USH2A: variants seen among roughly 807,000 people sequenced by gnomAD.
The protein encoded by USH2A is usherin.
USH2A carries 443 observed loss-of-function variants against 538.9 expected under a neutral mutation model. The ratio of observed to expected loss-of-function variants is 0.82; its 90% CI spans 0.76 to 0.89. The LOEUF is 0.89. USH2A is among the 40% of genes least tolerant of loss of function. The pLI, the probability that USH2A is intolerant of heterozygous loss-of-function variation, is 0.00. For missense variants in USH2A, 6,633 were observed against 6,324.8 expected, an observed-to-expected ratio of 1.05 and a Z score of -1.65; for synonymous variants, 2,413 against 2,273.5, an observed-to-expected ratio of 1.06 and a Z score of -1.75.
chr1:216,068,269 G>A (rs777049263), intron 30 of USH2A, among the ~76,000 whole-genome samples: 2 of 152,186 alleles, frequency 1.3e-5, no homozygotes, highest in African/African-American at 2.4e-5. Flanking sequence ...GGAGGAGAGA[G>A]GGAGCAATAG....
At chr1:216,348,001 T>C (rs901700554) in intron 4 of USH2A, among the ~76,000 whole-genome samples, 3 of 152,144 alleles carry the variant, frequency 2.0e-5, no homozygotes, top group Non-Finnish European at 4.4e-5. Context: ...AGTAATCTTT[T>C]AAAACTTTTT....
chr1:216,202,865 T>C (rs1264144489), intron 16 of USH2A, among the ~76,000 whole-genome samples: 1 of 152,168 alleles, frequency 6.6e-6, no homozygotes, highest in Non-Finnish European at 1.5e-5. Context: ...ACAGGCATGG[T>C]TACATTTCCT....
chr1:215,879,249 A>C (rs907094378), intron 41 of USH2A, 151 bp from the exon 42 acceptor site: 1 of 707,460 alleles, frequency 1.4e-6, no homozygotes, highest in African/African-American at 1.8e-5. Flanking sequence ...ACAGTAATGA[A>C]GGGTTTGAGA....
At chr1:215,630,506 AT>A (rs1656239262) in intron 70 of USH2A, among the ~76,000 whole-genome samples, 1 of 135,096 alleles carries the variant, frequency 7.4e-6, no homozygotes, top group Non-Finnish European at 1.6e-5. Flanking sequence ...ATATATATAT[AT>A]ATATATATAT....
At chr1:216,338,998 C>G (rs2038025616) in intron 4 of USH2A, among the ~76,000 whole-genome samples, 1 of 151,498 alleles carries the variant, frequency 6.6e-6, no homozygotes, top group Non-Finnish European at 1.5e-5. Flanking sequence ...ACTTAAGAAG[C>G]CTATGATACC....
At chr1:216,030,407 A>C (rs933986543) in intron 32 of USH2A, among the ~76,000 whole-genome samples, 2 of 136,164 alleles carry the variant, frequency 1.5e-5, no homozygotes, top group African/African-American at 5.3e-5. Context: ...TATATATGAT[A>C]TATAGATATA....
intron 30 of USH2A, among the ~76,000 whole-genome samples, chr1:216,056,188 A>G (rs1339965167): frequency 6.6e-6 from 1 of 152,188 alleles, no homozygotes; most frequent in Non-Finnish European, 1.5e-5. Flanking sequence ...TAATTTGCCA[A>G]TAAGTTTGAA....
At chr1:215,724,648 T>C (rs1428138450) in intron 61 of USH2A, among the ~76,000 whole-genome samples, 1 of 152,138 alleles carries the variant, frequency 6.6e-6, no homozygotes, top group Non-Finnish European at 1.5e-5. Flanking sequence ...CTTCTAAACA[T>C]GGGCAGCAGA....
At chr1:215,659,435 A>G (rs1657374127) in intron 64 of USH2A, among the ~76,000 whole-genome samples, 1 of 152,176 alleles carries the variant, frequency 6.6e-6, no homozygotes, top group South Asian at 2.1e-4. Context: ...GGAACTAGAG[A>G]GGAGTTTGCA....
At chr1:215,817,803 C>G (rs907175290) in intron 47 of USH2A, among the ~76,000 whole-genome samples, 1 of 151,932 alleles carries the variant, frequency 6.6e-6, no homozygotes, top group Non-Finnish European at 1.5e-5. Context: ...CATTGGTTCA[C>G]CAATGCCAAC....
At chr1:215,927,413 T>C (rs2102493689) in intron 38 of USH2A, among the ~76,000 whole-genome samples, 1 of 152,230 alleles carries the variant, frequency 6.6e-6, no homozygotes, top group South Asian at 2.1e-4. Flanking sequence ...AAATTAACAC[T>C]CCAAGAAAAC....
chr1:216,159,543 C>CACACACACACAA (rs2034012491), intron 21 of USH2A, among the ~76,000 whole-genome samples: 1 of 146,834 alleles, frequency 6.8e-6, no homozygotes, highest in Non-Finnish European at 1.5e-5. Flanking sequence ...TATGTACACA[C>CACACACACACAA]ACACACACAC....
intron 20 of USH2A, among the ~76,000 whole-genome samples, chr1:216,177,272 G>A (rs539272923): frequency 6.6e-6 from 1 of 152,016 alleles, no homozygotes; most frequent in Admixed American, 6.6e-5. Context: ...GGTGTGTAGT[G>A]GTATCTTATT....
intron 58 of USH2A, among the ~76,000 whole-genome samples, chr1:215,749,862 A>G (rs1660574671): frequency 6.6e-6 from 1 of 152,198 alleles, no homozygotes; most frequent in Non-Finnish European, 1.5e-5. Context: ...TATTCCTTGC[A>G]ATGCTCCTTT....
chr1:216,078,742 T>G (rs2031838977), intron 26 of USH2A, among the ~76,000 whole-genome samples: 1 of 152,018 alleles, frequency 6.6e-6, no homozygotes, highest in Non-Finnish European at 1.5e-5. Context: ...TTTTAGAAAA[T>G]GAGAAAATAC....
At chr1:216,030,638 TA>T (rs1669101268) in intron 32 of USH2A, among the ~76,000 whole-genome samples, 1 of 134,416 alleles carries the variant, frequency 7.4e-6, no homozygotes, top group African/African-American at 2.7e-5. Flanking sequence ...ATATATAATA[TA>T]TACGATATAT....
At chr1:215,780,612 C>G (rs1047912041) in intron 54 of USH2A, among the ~76,000 whole-genome samples, 2 of 152,200 alleles carry the variant, frequency 1.3e-5, no homozygotes, top group Admixed American at 6.5e-5. Flanking sequence ...ATTACTTAGT[C>G]AATATTGTCA....
intron 38 of USH2A, among the ~76,000 whole-genome samples, chr1:215,922,445 T>C (rs543914032): frequency 1.3e-5 from 2 of 152,264 alleles, no homozygotes; most frequent in South Asian, 4.1e-4. Context: ...ATGTGACTTA[T>C]ATATTCAAAG....
chr1:216,305,450 A>T (rs2037298194), intron 9 of USH2A, among the ~76,000 whole-genome samples: 1 of 152,098 alleles, frequency 6.6e-6, no homozygotes, highest in Non-Finnish European at 1.5e-5. Flanking sequence ...TTGCTTGGTG[A>T]GTTCTTATCC....
Sources: gnomAD v4.1 joint callset for allele counts (sites outside exome capture counted in the v4.1 genomes callset) on GRCh38, gnomAD v4.1.1 for gene constraint, MANE v1.5 for transcripts, NCBI Gene and HGNC (gene_info 2026-07-23, HGNC 2026-07-21) for gene names.